The following SUGCT variants were observed in gnomAD, a reference collection of about 807,000 sequenced individuals.
The protein encoded by SUGCT is succinyl-CoA:glutarate CoA-transferase.
SUGCT carries 41 observed loss-of-function variants against 55.0 expected under a neutral mutation model. The observed-to-expected ratio is 0.74, with a 90% CI of 0.58 to 0.97. The LOEUF is 0.97. SUGCT is among the 50% of genes least tolerant of loss of function. The probability of loss-of-function intolerance (pLI) is 0.00; values close to 1 mark genes in which losing one functional copy is unlikely to be tolerated. For missense variants in SUGCT, 568 were observed against 547.8 expected (o/e 1.04, Z -0.37); for synonymous variants, 187 against 200.4 (o/e 0.93, Z 0.56).
At chr7:40,406,043 C>G (rs1786352710) in intron 9 of SUGCT, among the ~76,000 whole-genome samples, 1 of 151,934 alleles carries the variant, frequency 6.6e-6, no homozygotes, top group African/African-American at 2.4e-5. Flanking sequence ...AATCAGCCTC[C>G]CTGAAAATTT....
chr7:40,600,514 C>T (rs1798240849), intron 12 of SUGCT, among the ~76,000 whole-genome samples: 2 of 152,188 alleles, frequency 1.3e-5, no homozygotes, highest in African/African-American at 4.8e-5. Context: ...AGGGCTTTCA[C>T]ATCAGTTTGG....
intron 12 of SUGCT, among the ~76,000 whole-genome samples, chr7:40,664,266 A>G (rs1801489882): frequency 6.6e-6 from 1 of 152,232 alleles, no homozygotes; most frequent in Non-Finnish European, 1.5e-5. Flanking sequence ...TGGAATCTGT[A>G]GTTTAAGAAA....
intron 11 of SUGCT, among the ~76,000 whole-genome samples, chr7:40,469,482 A>G (rs1255656173): frequency 6.6e-6 from 1 of 152,212 alleles, no homozygotes; most frequent in Admixed American, 6.5e-5. Context: ...TTGGAGATAG[A>G]TTTAAGTGGC....
chr7:40,145,017 T>A (rs995556918), intron 1 of SUGCT, among the ~76,000 whole-genome samples: 2 of 152,202 alleles, frequency 1.3e-5, no homozygotes, highest in Non-Finnish European at 2.9e-5. Flanking sequence ...AAGAGCAGGT[T>A]AGTGCTTTAA....
rs915570720 is a variant in SUGCT, at chr7:40,232,239, G to A, written c.485-5396G>A. 3.2e-4 allele frequency among the ~76,000 whole-genome samples: 48 copies of A among 152,152 alleles called. 1 individual carries two copies. The highest frequency in any genetic ancestry group is 3.1e-3 in the Admixed American group (47 of 15,260). On this transcript the variant is annotated intron_variant, in intron 6 of 13. Transcript: ENST00000335693. ...TTTTTCCTTTTATTATCAAGTGAAA[G>A]CCTCATCCTGAGTCTCTTGGTTGCT...
Position 40,279,026 on chromosome 7 carries a change from G to GA in SUGCT, c.720+4370_720+4371insA, listed in dbSNP as rs1412717320. On this transcript the variant is annotated intron_variant, in intron 8 of 13. Coordinates refer to ENST00000335693, the MANE Select transcript of SUGCT (RefSeq NM_001193313.2). ...ATTTTTTTTTTTTTTTAGAGATGGG[G>GA]GGGTCTGACTGTGTTGTCCAGGCTA... Among the ~76,000 whole-genome samples the GA allele has an allele frequency of 8.2e-4, 124 of 150,578 alleles. 1 individual carries two copies. The highest frequency in any genetic ancestry group is 9.9e-4 in the Non-Finnish European group (67 of 67,590).
chr7:40,691,830 T>G (rs1221908287), intron 12 of SUGCT, among the ~76,000 whole-genome samples: 1 of 152,062 alleles, frequency 6.6e-6, no homozygotes, highest in Non-Finnish European at 1.5e-5. Flanking sequence ...GGCATGGAGT[T>G]TGGGGAAGGA....
At chr7:40,414,574 A>AT (rs200978406) in intron 9 of SUGCT, among the ~76,000 whole-genome samples, 1,810 of 152,046 alleles carry the variant, frequency 0.012, 17 homozygotes, top group Middle Eastern at 0.02. Flanking sequence ...CCTACATCTA[A>AT]TTTTCTATAA....
chr7:40,812,889 A>G (rs916951183), intron 13 of SUGCT, among the ~76,000 whole-genome samples: 2 of 152,132 alleles, frequency 1.3e-5, no homozygotes, highest in South Asian at 2.1e-4. Context: ...TGTTTTTGCT[A>G]TGTCCCAGAG....
At chr7:40,640,514 G>A (rs1800223312) in intron 12 of SUGCT, among the ~76,000 whole-genome samples, 1 of 152,178 alleles carries the variant, frequency 6.6e-6, no homozygotes, top group African/African-American at 2.4e-5. Flanking sequence ...GTCCTGAGAG[G>A]CTATCTATAA....
At chr7:40,672,062 G>A (rs1309686418) in intron 12 of SUGCT, among the ~76,000 whole-genome samples, 3 of 152,176 alleles carry the variant, frequency 2.0e-5, no homozygotes, top group African/African-American at 4.8e-5. Flanking sequence ...TGACAAAGGT[G>A]CAAAAGCAAT....
chr7:40,649,829 T>C (rs1262164884), intron 12 of SUGCT, among the ~76,000 whole-genome samples: 3 of 152,224 alleles, frequency 2.0e-5, no homozygotes, highest in African/African-American at 4.8e-5. Context: ...CACTTACTAT[T>C]TTCTTACTCT....
chr7:40,332,198 T>C (rs1796347818), intron 9 of SUGCT, among the ~76,000 whole-genome samples: 1 of 152,158 alleles, frequency 6.6e-6, no homozygotes, highest in Admixed American at 6.5e-5. Context: ...CAAGGAAGTC[T>C]GAAGAGATCT....
intron 9 of SUGCT, among the ~76,000 whole-genome samples, chr7:40,339,222 C>T (rs960856887): frequency 6.6e-6 from 1 of 152,176 alleles, no homozygotes; most frequent in Admixed American, 6.5e-5. Flanking sequence ...GCAGTCTTAG[C>T]GTTCTCAGTT....
intron 13 of SUGCT, among the ~76,000 whole-genome samples, chr7:40,842,928 C>T (rs1343196324): frequency 6.6e-6 from 1 of 152,144 alleles, no homozygotes; most frequent in Non-Finnish European, 1.5e-5. Flanking sequence ...AATGCCTCAC[C>T]TTGCTTTTAG....
At chr7:40,458,637 T>C (rs1409682440) in intron 10 of SUGCT, among the ~76,000 whole-genome samples, 1 of 152,212 alleles carries the variant, frequency 6.6e-6, no homozygotes, top group Non-Finnish European at 1.5e-5. Context: ...TATTTACATA[T>C]GGTATAAATA....
At chr7:41,016,734 T>G in the SUGCT span, among the ~76,000 whole-genome samples, 4 of 152,194 alleles carry the variant, frequency 2.6e-5, no homozygotes, top group African/African-American at 9.7e-5. Flanking sequence ...CCTTGGTCCC[T>G]CATTTCATTG....
intron 9 of SUGCT, among the ~76,000 whole-genome samples, chr7:40,367,184 A>G (rs1395658950): frequency 6.9e-6 from 1 of 145,934 alleles, no homozygotes; most frequent in African/African-American, 2.5e-5. Context: ...CAAACATCGT[A>G]TGTTCTCACT....
At chr7:40,995,409 A>AT in the SUGCT span, among the ~76,000 whole-genome samples, 3 of 150,092 alleles carry the variant, frequency 2.0e-5, no homozygotes, top group African/African-American at 4.9e-5. Context: ...TATTATTATT[A>AT]TAGTTTACTC....
Sources: allele counts gnomAD v4.1 joint callset (sites outside exome capture counted in the v4.1 genomes callset), GRCh38; gene constraint gnomAD v4.1.1; transcripts MANE v1.5; gene names NCBI Gene and HGNC (gene_info 2026-07-23, HGNC 2026-07-21).